MECOM: variants seen among roughly 807,000 people sequenced by gnomAD.
MECOM encodes histone-lysine N-methyltransferase MECOM.
MECOM carries 13 observed loss-of-function variants against 116.3 expected under a neutral mutation model. The ratio of observed to expected loss-of-function variants is 0.11; its 90% CI spans 0.07 to 0.18. MECOM has a LOEUF of 0.18. Ranked by LOEUF, MECOM falls within the 10% of genes least tolerant of loss-of-function variation. The pLI is 1.00. For synonymous variants in MECOM, 528 were observed against 535.2 expected (o/e 0.99, Z 0.19); for missense variants, 1,299 against 1,509.0 (o/e 0.86, Z 2.31).
intron 1 of MECOM, among the ~76,000 whole-genome samples, chr3:169,476,238 C>A (rs1450279968): frequency 6.6e-6 from 1 of 152,160 alleles, no homozygotes; most frequent in Non-Finnish European, 1.5e-5. Flanking sequence ...ATTTTGATGT[C>A]TTCATAATGT....
chr3:169,388,770 A>AT (rs1354502148), intron 1 of MECOM, among the ~76,000 whole-genome samples: 1 of 152,208 alleles, frequency 6.6e-6, no homozygotes, highest in Non-Finnish European at 1.5e-5. Flanking sequence ...ATGTTTGGAA[A>AT]TAATCTATCA....
chr3:169,123,922 T>C (rs1327304032), intron 5 of MECOM, among the ~76,000 whole-genome samples: 2 of 152,174 alleles, frequency 1.3e-5, no homozygotes, highest in East Asian at 1.9e-4. Context: ...GCCAAATCAT[T>C]ATTCCTAAAA....
intron 5 of MECOM, among the ~76,000 whole-genome samples, chr3:169,123,879 A>T (rs1227252956): frequency 6.6e-6 from 1 of 152,006 alleles, no homozygotes; most frequent in Non-Finnish European, 1.5e-5. Context: ...CACAAACAGA[A>T]CCCCAATGGT....
chr3:169,283,016 C>T (rs1005167267), intron 2 of MECOM, among the ~76,000 whole-genome samples: 26 of 151,786 alleles, frequency 1.7e-4, no homozygotes, highest in African/African-American at 6.3e-4. Flanking sequence ...AAAGTATATG[C>T]TGACTTCAAT....
At chr3:169,554,977 G>A (rs1314787119) in intron 1 of MECOM, among the ~76,000 whole-genome samples, 7 of 152,228 alleles carry the variant, frequency 4.6e-5, no homozygotes. Flanking sequence ...TAATCTAAAT[G>A]CCAATCTAAA....
intron 2 of MECOM, among the ~76,000 whole-genome samples, chr3:169,189,043 G>A (rs555722474): frequency 2.0e-5 from 3 of 152,126 alleles, no homozygotes; most frequent in African/African-American, 7.2e-5. Flanking sequence ...CATCATCAAA[G>A]AAATATGTTC....
chr3:169,108,082 G>C, intron 9 of MECOM, 130 bp from the exon 10 acceptor site: 1 of 612,306 alleles, frequency 1.6e-6, no homozygotes, highest in Non-Finnish European at 2.8e-6. Context: ...TGTACCTTGA[G>C]TAAAAGCTTT....
chr3:169,537,106 T>C (rs1759464901), intron 1 of MECOM, among the ~76,000 whole-genome samples: 1 of 152,176 alleles, frequency 6.6e-6, no homozygotes, highest in East Asian at 1.9e-4. Context: ...GCAGGACATT[T>C]CACACATATA....
At chr3:169,145,143 AAC>A (rs67598122) in intron 2 of MECOM, 9,798 of 511,560 alleles carry the variant, frequency 0.019, 176 homozygotes, top group Admixed American at 0.08. Context: ...GATATTATTA[AAC>A]ACACACACAC....
At chr3:169,398,288 G>T (rs567577395) in intron 1 of MECOM, among the ~76,000 whole-genome samples, 57 of 152,182 alleles carry the variant, frequency 3.7e-4, no homozygotes, top group African/African-American at 1.1e-3. Context: ...TGGATTTAAA[G>T]ATTGCCACTC....
intron 2 of MECOM, among the ~76,000 whole-genome samples, chr3:169,201,941 T>C (rs1263435960): frequency 1.3e-5 from 2 of 152,164 alleles, no homozygotes; most frequent in Non-Finnish European, 2.9e-5. Flanking sequence ...GGCCTTTGTG[T>C]ATTCTCCCAA....
At chr3:169,182,511 GCTAT>G (rs1038765738) in intron 2 of MECOM, among the ~76,000 whole-genome samples, 4 of 152,330 alleles carry the variant, frequency 2.6e-5, no homozygotes, top group Non-Finnish European at 5.9e-5. Flanking sequence ...TTACAGGGAT[GCTAT>G]CTAACAACTT....
At chr3:169,323,608 A>C (rs1288437603) in intron 2 of MECOM, among the ~76,000 whole-genome samples, 1 of 152,182 alleles carries the variant, frequency 6.6e-6, no homozygotes, top group Non-Finnish European at 1.5e-5. Context: ...AACATGTAAC[A>C]GTTTACCAAA....
intron 2 of MECOM, among the ~76,000 whole-genome samples, chr3:169,161,164 A>G (rs1312304146): frequency 1.3e-5 from 2 of 152,228 alleles, no homozygotes; most frequent in Non-Finnish European, 2.9e-5. Context: ...TAGCTTTAAA[A>G]TCCAATGAAA....
chr3:169,558,239 C>A (rs1762256682), intron 1 of MECOM, among the ~76,000 whole-genome samples: 1 of 152,078 alleles, frequency 6.6e-6, no homozygotes, highest in South Asian at 2.1e-4. Flanking sequence ...GCAGATTTTT[C>A]TTTTGTTTCT....
intron 2 of MECOM, among the ~76,000 whole-genome samples, chr3:169,370,679 C>CA (rs1481461472): frequency 2.0e-5 from 3 of 151,310 alleles, no homozygotes; most frequent in Non-Finnish European, 3.0e-5. Flanking sequence ...AACTCAATAG[C>CA]AAAAAACATT....
rs375919961 is a variant in MECOM at position 169,399,490 on chromosome 3, T to G, written c.38-17966A>C. On this transcript the variant is annotated intron_variant, in intron 1 of 16. Transcript: ENST00000651503. ...GTTAAAGTTGGAAAACAATGATCTCTTCCAATACTTTTTAGATAATTACCC... is the reference window on the plus strand; with the variant it reads ...GTTAAAGTTGGAAAACAATGATCTCGTCCAATACTTTTTAGATAATTACCC... Among the ~76,000 whole-genome samples the G allele has an allele frequency of 6.1e-4, 93 of 152,348 alleles. 1 individual carries two copies. In the South Asian group the frequency reaches 0.019, roughly 31 times the overall value.
chr3:169,413,512 G>A (rs1737965218), intron 1 of MECOM, among the ~76,000 whole-genome samples: 1 of 149,532 alleles, frequency 6.7e-6, no homozygotes, highest in Non-Finnish European at 1.5e-5. Context: ...GTACCCAAGT[G>A]GCATCTGGAA....
rs145847797 is a variant in MECOM at position 169,258,746 on chromosome 3, A to T, written c.376-114914T>A. Among the ~76,000 whole-genome samples, 15 of 152,328 alleles carry T rather than the reference A, an allele frequency of 9.8e-5. No homozygotes were observed. The East Asian group carries it at 2.5e-3, about 25-fold the overall frequency. On this transcript the variant is annotated intron_variant, in intron 2 of 16. Coordinates refer to ENST00000651503, the MANE Select transcript of MECOM (RefSeq NM_004991.4). Reference sequence around the variant, plus strand: ...TCAGTAGGCTGTATTTTTCAAAGTCACTAAATAAAAGTGTTGTTACAAACA... The same window carrying T: ...TCAGTAGGCTGTATTTTTCAAAGTCTCTAAATAAAAGTGTTGTTACAAACA...
Sources: allele counts gnomAD v4.1 joint callset (sites outside exome capture counted in the v4.1 genomes callset), GRCh38; gene constraint gnomAD v4.1.1; transcripts MANE v1.5; gene names NCBI Gene and HGNC (gene_info 2026-07-23, HGNC 2026-07-21).